The following CACNG7 variants were observed in gnomAD, a reference collection of about 807,000 sequenced individuals.
CACNG7 encodes voltage-dependent calcium channel gamma-7 subunit.
Under a neutral mutation model 26.3 loss-of-function variants are expected in CACNG7, and 9 were observed. The ratio of observed to expected loss-of-function variants is 0.34; its 90% CI spans 0.21 to 0.60. The LOEUF (loss-of-function observed/expected upper bound fraction) is 0.60, where lower values mean the gene tolerates loss of function less well. Among genes scored for constraint, CACNG7 ranks in the 20% least tolerant of loss-of-function variants. CACNG7 has a pLI of 0.81. For missense variants in CACNG7, 297 were observed against 380.4 expected (o/e 0.78, Z 1.82); for synonymous variants, 170 against 157.0 (o/e 1.08, Z -0.62).
In CACNG7 at chr19:53,922,622, A is replaced by T. The variant is rs2068971171; in HGVS notation, c.424+7117A>T. Reference sequence around the variant, plus strand: ...TGGTGCAGTTGTCCCAGGCCTGGTCATTGGTGCAGTTGTCCCCAGGCCTGG... The same window carrying T: ...TGGTGCAGTTGTCCCAGGCCTGGTCTTTGGTGCAGTTGTCCCCAGGCCTGG... On this transcript the variant is annotated intron_variant, in intron 4 of 5. Transcript: ENST00000391767. 8.9e-5 allele frequency among the ~76,000 whole-genome samples: 7 copies of T among 78,344 alleles called. 2 individuals carry two copies. The allele number at this position is 78,344 out of a possible 152,430, so 51.4% of individuals were successfully genotyped here.
At chr19:53,941,802 C>T (rs999005201) in intron 5 of CACNG7, 187 bp downstream of exon 5, 1 of 877,494 alleles carries the variant, frequency 1.1e-6, no homozygotes, top group African/African-American at 1.7e-5. Context: ...TTTTGGGATC[C>T]TGGGGGAGGA....
chr19:53,933,558 T>G (rs1405797648), intron 4 of CACNG7, among the ~76,000 whole-genome samples: 2 of 151,950 alleles, frequency 1.3e-5, no homozygotes, highest in Non-Finnish European at 2.9e-5. Context: ...CGCCTCAGCC[T>G]CCCAGAGTGC....
rs1020081042 is a variant in CACNG7, at chr19:53,909,350, G to T, written c.-197G>T. The T allele has an allele frequency of 3.3e-5, 5 of 150,210 alleles. No homozygotes were observed. Among genetic ancestry groups the T allele is most frequent in the African/African-American group, 1.2e-4 (5 of 41,194 alleles). 9.3% of individuals were successfully genotyped at this position (150,210 alleles called of 1,614,324 possible). ...GAGTGAGGCCGCGGCCGCGGGGGGT[G>T]GGGGGTGGGAGGCCGGGAGGGGGCC... On this transcript the variant is annotated 5_prime_UTR_variant, in exon 1 of 6. Coordinates refer to ENST00000391767, the MANE Select transcript of CACNG7 (RefSeq NM_031896.5). The surrounding 1 kb of genome is among the most constrained non-coding windows in gnomAD (Gnocchi z 5.1).
intron 4 of CACNG7, among the ~76,000 whole-genome samples, chr19:53,925,922 G>A (rs2069027290): frequency 6.6e-6 from 1 of 152,202 alleles, no homozygotes; most frequent in Non-Finnish European, 1.5e-5. Flanking sequence ...GGTAGAAGTG[G>A]GAGGAAGCTA....
At chr19:53,937,605 T>TCCCCA (rs1555812065) in intron 4 of CACNG7, among the ~76,000 whole-genome samples, 1 of 54,186 alleles carries the variant, frequency 1.8e-5, no homozygotes, top group Non-Finnish European at 3.5e-5. Flanking sequence ...TCCCCTCCCC[T>TCCCCA]CCTTCTCGGA....
chr19:53,918,645 T>G (rs1335960134), intron 4 of CACNG7, among the ~76,000 whole-genome samples: 8 of 152,222 alleles, frequency 5.3e-5, no homozygotes, highest in Non-Finnish European at 8.8e-5. Flanking sequence ...CTTGTTGTTT[T>G]AAGTAAATAA....
At chr19:53,929,267 AGAGAGAGAGG>A (rs565995448) in intron 4 of CACNG7, among the ~76,000 whole-genome samples, 61 of 129,020 alleles carry the variant, frequency 4.7e-4, no homozygotes, top group African/African-American at 2.9e-3. Flanking sequence ...GATGGATGAG[AGAGAGAGAGG>A]GAGAGAGAGA....
Position 53,941,620 on chromosome 19 carries a change from C to G in CACNG7, c.570+5C>G, listed in dbSNP as rs202206501. On this transcript the variant is annotated splice_donor_5th_base_variant and intron_variant, in intron 5 of 5. Transcript: ENST00000391767. ...TCCTCCTTCCTACTCAAAGAGGTGA[C>G]GTCCGTGGGACCTAGACTCTAGAGT... The G allele has an allele frequency of 1.7e-5, 27 of 1,610,818 alleles. No individual in the cohort carries two copies. In the East Asian group the frequency reaches 6.0e-4, roughly 36 times the overall value.
intron 4 of CACNG7, among the ~76,000 whole-genome samples, chr19:53,923,010 G>GT (rs1383044666): frequency 3.8e-5 from 4 of 104,100 alleles, no homozygotes; most frequent in Non-Finnish European, 7.3e-5. Flanking sequence ...TGGTGCAGTT[G>GT]CCCCAGGCCT....
At chr19:53,932,830 T>C (rs115097052) in intron 4 of CACNG7, among the ~76,000 whole-genome samples, 1,950 of 150,358 alleles carry the variant, frequency 0.013, 49 homozygotes, top group African/African-American at 0.045. Context: ...TTCTTTTCTC[T>C]CTCCTTTTTT....
rs531456650 is a variant in CACNG7 at position 53,940,860 on chromosome 19, G to A, written c.425-610G>A. ...ACCTGAGGTCAGGAGTTTGAGACCA[G>A]CCTGGCCAACATGGTGAAACCCCGT... On this transcript the variant is annotated intron_variant, in intron 4 of 5. Coordinates refer to ENST00000391767, the MANE Select transcript of CACNG7 (RefSeq NM_031896.5). The surrounding 1 kb of genome is among the most constrained non-coding windows in gnomAD (Gnocchi z 4.1). Among the ~76,000 whole-genome samples the A allele has an allele frequency of 1.3e-5, 2 of 151,926 alleles. No homozygotes were observed. The highest frequency in any genetic ancestry group is 3.9e-4 in the East Asian group (2 of 5,150).
At position 53,913,870 on chromosome 19, in the gene CACNG7, G is replaced by C. The variant is rs533554881; in HGVS notation, c.197-630G>C. On this transcript the variant is annotated intron_variant, in intron 2 of 5. Coordinates refer to ENST00000391767, the MANE Select transcript of CACNG7 (RefSeq NM_031896.5). ...TCATTGTAAGAATCCTGGCTCCCCA[G>C]ACCTCGTCCTCTTTAGGGACCACAA... is the stretch of plus-strand genomic sequence containing the variant. Among the ~76,000 whole-genome samples the C allele has an allele frequency of 4.7e-5, 7 of 149,386 alleles. No individual in the cohort carries two copies. The East Asian group carries it at 5.9e-4, about 13-fold the overall frequency.
intron 5 of CACNG7, 54 bp downstream of exon 5, chr19:53,941,669 G>A (rs745879482): frequency 1.0e-4 from 157 of 1,576,592 alleles, no homozygotes; most frequent in Non-Finnish European, 1.3e-4. Context: ...AGGTCTTGGG[G>A]GCCTGGTTCC....
At position 53,942,239 on chromosome 19, in the gene CACNG7, C is replaced by T. The variant is rs755082342; in HGVS notation, c.774C>T (p.Tyr258=). 3.1e-6 allele frequency: 5 copies of T among 1,613,906 alleles called. No homozygotes were observed. The South Asian group carries it at 4.4e-5, about 14-fold the overall frequency. ...TGTCCATCCAAATGACGCAGAACTA[C>T]CCTCCCGCCATCAAGTACCCGGACC... The part of the protein sequence containing the change: ...SDVSIQMTQN[Y]PPAIKYPDHL... Residue 258 remains tyrosine (Y), a synonymous_variant, in exon 6 of 6, where the codon TAC becomes TAT. Transcript: ENST00000391767. This position sits in a 1 kb window ranked among gnomAD's most constrained non-coding sequence, Gnocchi z 5.9.
intron 4 of CACNG7, among the ~76,000 whole-genome samples, chr19:53,920,655 G>C (rs1313701580): frequency 9.3e-6 from 1 of 106,956 alleles, no homozygotes; most frequent in Admixed American, 8.3e-5. Flanking sequence ...GCCCCAGGCT[G>C]GTCATTGGTG....
chr19:53,924,547 G>A (rs2069005575), intron 4 of CACNG7, among the ~76,000 whole-genome samples: 1 of 150,132 alleles, frequency 6.7e-6, no homozygotes, highest in Middle Eastern at 3.3e-3. Context: ...GGTATTGGTG[G>A]AGTTGTCCGA....
intron 4 of CACNG7, among the ~76,000 whole-genome samples, chr19:53,924,222 CAGTTGCCCCAGGTCTGGTCATTGGTGG>C (rs1568777187): frequency 1.1e-5 from 1 of 95,194 alleles, no homozygotes; most frequent in Non-Finnish European, 2.1e-5. Flanking sequence ...GTCATTGGTG[CAGTTGCCCCAGGTCTGGTCATTGGTGG>C]AGTTGCCCCA....
intron 1 of CACNG7, among the ~76,000 whole-genome samples, chr19:53,911,036 T>C (rs1341686355): frequency 7.5e-6 from 1 of 133,170 alleles, no homozygotes; most frequent in Non-Finnish European, 1.5e-5. Flanking sequence ...ATGAGGATGC[T>C]GGATTGGTGG....
At chr19:53,925,563 T>TCTGGTCATTGGTGAACTTGCCCCAGG (rs1568778660) in intron 4 of CACNG7, among the ~76,000 whole-genome samples, 1 of 123,130 alleles carries the variant, frequency 8.1e-6, no homozygotes, top group Non-Finnish European at 1.7e-5. Flanking sequence ...TTGCCCCAGG[T>TCTGGTCATTGGTGAACTTGCCCCAGG]CTGGTCATTG....
Sources: allele counts gnomAD v4.1 joint callset (sites outside exome capture counted in the v4.1 genomes callset), GRCh38; gene constraint gnomAD v4.1.1; non-coding constraint Gnocchi (gnomAD v3.1); transcripts MANE v1.5; gene names NCBI Gene and HGNC (gene_info 2026-07-23, HGNC 2026-07-21).